The following ADGRL2 variants were observed in gnomAD, a reference collection of about 807,000 sequenced individuals.
ADGRL2 encodes calcium-independent alpha-latrotoxin receptor 2.
Under a neutral mutation model 157.4 loss-of-function variants are expected in ADGRL2, and 44 were observed. That is an observed-to-expected ratio of 0.28 (90% CI 0.22 to 0.36). The LOEUF (loss-of-function observed/expected upper bound fraction) is 0.36, where lower values mean the gene tolerates loss of function less well. Ranked by LOEUF, ADGRL2 falls within the 10% of genes least tolerant of loss-of-function variation. The pLI is 1.00. For synonymous variants in ADGRL2, 585 were observed against 624.7 expected (o/e 0.94, Z 0.95); for missense variants, 1,510 against 1,768.9 (o/e 0.85, Z 2.63).
intron 2 of ADGRL2, among the ~76,000 whole-genome samples, chr1:81,525,399 C>T (rs1324447214): frequency 6.6e-6 from 1 of 152,022 alleles, no homozygotes; most frequent in Non-Finnish European, 1.5e-5. Flanking sequence ...CTCACTGCAA[C>T]CTCCGCCTCC....
chr1:81,940,299 C>T (rs540666227), intron 4 of ADGRL2, among the ~76,000 whole-genome samples: 28 of 151,590 alleles, frequency 1.8e-4, no homozygotes, highest in African/African-American at 5.8e-4. Context: ...GTAGTCACAA[C>T]GCTAATGATT....
chr1:81,366,623 A>G (rs1167549002), intron 1 of ADGRL2, among the ~76,000 whole-genome samples: 3 of 152,210 alleles, frequency 2.0e-5, no homozygotes, highest in Non-Finnish European at 4.4e-5. Context: ...GCTTTAACAT[A>G]GAAATAACTT....
chr1:81,984,443 G>A (rs899661393), intron 19 of ADGRL2, 140 bp from the exon 20 acceptor site: 4 of 820,366 alleles, frequency 4.9e-6, no homozygotes, highest in African/African-American at 3.5e-5. Flanking sequence ...ACTTGATTTT[G>A]CAAGTTCAAT....
At chr1:81,577,181 G>A (rs921335108) in intron 2 of ADGRL2, among the ~76,000 whole-genome samples, 3 of 152,118 alleles carry the variant, frequency 2.0e-5, no homozygotes, top group Non-Finnish European at 4.4e-5. Flanking sequence ...TGGGGGACAG[G>A]CACTATCTCT....
chr1:81,604,218 G>A (rs373915118), intron 3 of ADGRL2, among the ~76,000 whole-genome samples: 1 of 152,106 alleles, frequency 6.6e-6, no homozygotes, highest in East Asian at 1.9e-4. Context: ...GCCCACTTTG[G>A]CCTCCCAAAG....
intron 2 of ADGRL2, among the ~76,000 whole-genome samples, chr1:81,890,181 A>G (rs951610057): frequency 1.3e-5 from 2 of 152,162 alleles, no homozygotes; most frequent in African/African-American, 4.8e-5. Flanking sequence ...CTTGATCCCT[A>G]TAGGAGAAGC....
At chr1:81,737,361 G>A (rs961997527) in intron 1 of ADGRL2, among the ~76,000 whole-genome samples, 2 of 152,212 alleles carry the variant, frequency 1.3e-5, no homozygotes, top group Admixed American at 6.5e-5. Flanking sequence ...ATGGTGGCAG[G>A]AGAAAGAGAG....
intron 3 of ADGRL2, among the ~76,000 whole-genome samples, chr1:81,606,738 G>A (rs544483161): frequency 8.8e-4 from 117 of 133,048 alleles, no homozygotes; most frequent in Non-Finnish European, 1.2e-3. Flanking sequence ...TTTCTCAAGA[G>A]GATCAACGTG....
intron 2 of ADGRL2, among the ~76,000 whole-genome samples, chr1:81,546,486 A>G (rs2080021629): frequency 6.6e-6 from 1 of 152,220 alleles, no homozygotes; most frequent in African/African-American, 2.4e-5. Context: ...ATTCCCACAG[A>G]TATAGCATAA....
In ADGRL2 at chr1:81,747,313, T is replaced by TTTA. The variant is rs1254615691; in HGVS notation, c.-142-14496_-142-14495insATT. Among the ~76,000 whole-genome samples, 390 of 150,066 alleles carry TTTA rather than the reference T, an allele frequency of 2.6e-3. 1 individual carries two copies. The highest frequency in any genetic ancestry group is 9.1e-3 in the African/African-American group (373 of 40,828). ...CATGTGTATATATATATATATTTTT[T>TTTA]TTTTTGAGATGGAGTCTTGCTCTGT... is the stretch of plus-strand genomic sequence containing the variant. On this transcript the variant is annotated intron_variant, in intron 1 of 20. Coordinates refer to the ADGRL2 transcript ENST00000359929.
chr1:81,384,279 T>A (rs1054195939), intron 1 of ADGRL2, among the ~76,000 whole-genome samples: 2 of 152,206 alleles, frequency 1.3e-5, no homozygotes, highest in African/African-American at 4.8e-5. Flanking sequence ...TGAGGAAGTA[T>A]GTTTTTAGGT....
At chr1:81,378,923 A>AT (rs2076298029) in intron 1 of ADGRL2, among the ~76,000 whole-genome samples, 1 of 152,116 alleles carries the variant, frequency 6.6e-6, no homozygotes, top group Non-Finnish European at 1.5e-5. Context: ...TGTTATTACT[A>AT]TTTTTTAAAA....
At chr1:81,499,310 T>C (rs538356248) in intron 2 of ADGRL2, among the ~76,000 whole-genome samples, 1 of 152,362 alleles carries the variant, frequency 6.6e-6, no homozygotes, top group East Asian at 1.9e-4. Context: ...AGGCTCTGCT[T>C]TTGCAGGCCA....
At chr1:81,374,113 G>A (rs2076205972) in intron 1 of ADGRL2, among the ~76,000 whole-genome samples, 1 of 151,980 alleles carries the variant, frequency 6.6e-6, no homozygotes, top group Admixed American at 6.6e-5. Flanking sequence ...ATGAATACAT[G>A]TAAGAATATA....
intron 2 of ADGRL2, among the ~76,000 whole-genome samples, chr1:81,898,716 CT>C (rs2094437674): frequency 6.6e-6 from 1 of 152,118 alleles, no homozygotes; most frequent in Admixed American, 6.6e-5. Context: ...TCAGTGACAA[CT>C]TATCTTTTAG....
At position 81,980,271 on chromosome 1, in the gene ADGRL2, T is replaced by TAATA. The variant is rs533461625; in HGVS notation, c.3113+311_3113+312insAATA. Among the ~76,000 whole-genome samples, 8 of 151,914 alleles carry TAATA rather than the reference T, an allele frequency of 5.3e-5. No individual in the cohort carries two copies. In the East Asian group the frequency reaches 1.6e-3, roughly 29 times the overall value. On this transcript the variant is annotated intron_variant, in intron 18 of 23. Coordinates refer to ENST00000686636, the MANE Select transcript of ADGRL2 (RefSeq NM_001366006.2). ...TTTCGTATTTGCATGGCTGATATGA[T>TAATA]TATATTAAGTTTGTTTTGTTAAATG...
At position 81,931,805 on chromosome 1, in the gene ADGRL2, T is replaced by A. The variant is rs1034965725; in HGVS notation, c.288-4923T>A. On this transcript the variant is annotated intron_variant, in intron 3 of 23. Coordinates refer to ENST00000686636, the MANE Select transcript of ADGRL2 (RefSeq NM_001366006.2). Reference sequence around the variant, plus strand: ...TACCACCACACCTGGCTAATTTTTTTAAACTTTTTGTAGAGATGGGGTTTT... The same window carrying A: ...TACCACCACACCTGGCTAATTTTTTAAAACTTTTTGTAGAGATGGGGTTTT... 4.6e-5 allele frequency among the ~76,000 whole-genome samples: 7 copies of A among 152,188 alleles called. No individual in the cohort carries two copies. The South Asian group carries it at 6.2e-4, about 14-fold the overall frequency.
chr1:81,603,441 A>G (rs2081373483), intron 3 of ADGRL2, among the ~76,000 whole-genome samples: 1 of 152,228 alleles, frequency 6.6e-6, no homozygotes, highest in Non-Finnish European at 1.5e-5. Flanking sequence ...ATGCATAGCT[A>G]TGTAGTAAAT....
intron 1 of ADGRL2, among the ~76,000 whole-genome samples, chr1:81,704,792 T>C (rs756264638): frequency 5.9e-5 from 9 of 152,064 alleles, no homozygotes; most frequent in Non-Finnish European, 1.2e-4. Context: ...GGCACTGGAG[T>C]GTATGTAGGG....
Sources: gnomAD v4.1 joint callset for allele counts (sites outside exome capture counted in the v4.1 genomes callset) on GRCh38, gnomAD v4.1.1 for gene constraint, MANE v1.5 for transcripts, NCBI Gene and HGNC (gene_info 2026-07-23, HGNC 2026-07-21) for gene names.